UBL3: variants seen among roughly 807,000 people sequenced by gnomAD.
The protein encoded by UBL3 is ubiquitin like 3, also known as ubiquitin-like protein 3.
A neutral mutation model predicts 18.4 loss-of-function variants in UBL3; 6 were observed. The observed-to-expected ratio is 0.33, with a 90% CI of 0.18 to 0.64. UBL3 has a LOEUF of 0.64. Among genes scored for constraint, UBL3 ranks in the 30% least tolerant of loss-of-function variants. The pLI, the probability that UBL3 is intolerant of heterozygous loss-of-function variation, is 0.76. For missense variants in UBL3, 109 were observed against 142.9 expected (o/e 0.76, Z 1.21); for synonymous variants, 49 against 46.6 (o/e 1.05, Z -0.21).
rs984255626 is a variant in UBL3 at position 29,838,916 on chromosome 13, G to A, written c.27+10596C>T. Among the ~76,000 whole-genome samples the A allele has an allele frequency of 3.4e-4, 52 of 151,772 alleles. 1 individual carries two copies. Among genetic ancestry groups the A allele is most frequent in the Non-Finnish European group, 5.9e-5 (4 of 67,926 alleles). Reference sequence around the variant, plus strand: ...TATAAGGACGAAGAGAGATTTAAAGGAAATGGATAGAAAAAAAAAGAATGC... The same window carrying A: ...TATAAGGACGAAGAGAGATTTAAAGAAAATGGATAGAAAAAAAAAGAATGC... On this transcript the variant is annotated intron_variant, in intron 1 of 4. Coordinates refer to ENST00000380680, the MANE Select transcript of UBL3 (RefSeq NM_007106.4).
At chr13:29,780,912 G>A (rs1055947706) in intron 1 of UBL3, among the ~76,000 whole-genome samples, 1 of 152,126 alleles carries the variant, frequency 6.6e-6, no homozygotes, top group Admixed American at 6.5e-5. Flanking sequence ...GGTGGCTCAC[G>A]CCTGTAATCC....
chr13:29,788,673 A>T (rs1432327054), intron 1 of UBL3, among the ~76,000 whole-genome samples: 2 of 152,188 alleles, frequency 1.3e-5, no homozygotes, highest in Non-Finnish European at 2.9e-5. Context: ...GCTATATACT[A>T]ACTGAAAACT....
intron 1 of UBL3, among the ~76,000 whole-genome samples, chr13:29,804,768 C>G (rs1184024925): frequency 6.6e-6 from 1 of 152,132 alleles, no homozygotes; most frequent in Non-Finnish European, 1.5e-5. Flanking sequence ...AATAACAGAA[C>G]AGATGTTATT....
intron 1 of UBL3, among the ~76,000 whole-genome samples, chr13:29,846,847 A>G (rs950779883): frequency 1.3e-5 from 2 of 152,240 alleles, no homozygotes; most frequent in African/African-American, 4.8e-5. Flanking sequence ...CATACTGTCA[A>G]CTAGGAGAAA....
Position 29,767,056 on chromosome 13 carries a change from G to T in UBL3, c.*199C>A. 4.2e-6 allele frequency: 2 copies of T among 475,868 alleles called. No homozygotes were observed. The highest frequency in any genetic ancestry group is 6.9e-5 in the East Asian group (2 of 28,930). The allele number at this position is 475,868 out of a possible 1,614,324, so 29.5% of individuals were successfully genotyped here. On this transcript the variant is annotated 3_prime_UTR_variant, in exon 5 of 5. Coordinates refer to ENST00000380680, the MANE Select transcript of UBL3 (RefSeq NM_007106.4). ...TAAAACAGCTCAACAAAAAATACAAGAAATAAAAAATCAGAGTGAAAAATG... is the reference window on the plus strand; with the variant it reads ...TAAAACAGCTCAACAAAAAATACAATAAATAAAAAATCAGAGTGAAAAATG...
At chr13:29,821,872 C>T (rs1463248087) in intron 1 of UBL3, among the ~76,000 whole-genome samples, 1 of 152,090 alleles carries the variant, frequency 6.6e-6, no homozygotes, top group African/African-American at 2.4e-5. Context: ...TCTCAAGGAA[C>T]ATAGATGAAA....
At chr13:29,816,731 G>C (rs1878291680) in intron 1 of UBL3, among the ~76,000 whole-genome samples, 2 of 142,990 alleles carry the variant, frequency 1.4e-5, no homozygotes, top group Non-Finnish European at 3.0e-5. Flanking sequence ...CTCCAGGCTG[G>C]GTGACTGAGC....
chr13:29,835,142 ATATATATATATATATATATAT>A (rs1878916703), intron 1 of UBL3, among the ~76,000 whole-genome samples: 1 of 12,322 alleles, frequency 8.1e-5, no homozygotes, highest in Admixed American at 9.6e-4. Context: ...ATATATATAT[ATATATATATATATATATATAT>A]ATATATATAT....
chr13:29,797,296 T>C (rs1877639444), intron 1 of UBL3, among the ~76,000 whole-genome samples: 1 of 152,170 alleles, frequency 6.6e-6, no homozygotes, highest in South Asian at 2.1e-4. Context: ...AGATATGATG[T>C]TCATGGTCAA....
At chr13:29,836,508 T>C (rs557972686) in intron 1 of UBL3, among the ~76,000 whole-genome samples, 1 of 152,048 alleles carries the variant, frequency 6.6e-6, no homozygotes, top group East Asian at 1.9e-4. Flanking sequence ...CCCCAGCTAT[T>C]TGAAGGTTTC....
At chr13:29,831,707 AG>A (rs1878778351) in intron 1 of UBL3, among the ~76,000 whole-genome samples, 1 of 150,674 alleles carries the variant, frequency 6.6e-6, no homozygotes, top group Non-Finnish European at 1.5e-5. Context: ...ACTTAATGAT[AG>A]AAAAAAAAAG....
chr13:29,823,797 T>C (rs916057547), intron 1 of UBL3, among the ~76,000 whole-genome samples: 4 of 152,112 alleles, frequency 2.6e-5, no homozygotes, highest in African/African-American at 9.7e-5. Context: ...CATGTTGGTG[T>C]GCTGCACCCA....
chr13:29,835,169 T>TATATATAA, intron 1 of UBL3, among the ~76,000 whole-genome samples: 1 of 63,078 alleles, frequency 1.6e-5, no homozygotes, highest in Non-Finnish European at 2.9e-5. Flanking sequence ...TATATATATA[T>TATATATAA]ATATATATAT....
chr13:29,796,238 T>C (rs1304663538), intron 1 of UBL3, among the ~76,000 whole-genome samples: 1 of 152,110 alleles, frequency 6.6e-6, no homozygotes, highest in African/African-American at 2.4e-5. Flanking sequence ...AGAAGTTTAA[T>C]TTTATTTTTT....
Position 29,765,616 on chromosome 13 carries a change from TATC to T in UBL3, c.*1636_*1638del, listed in dbSNP as rs1001792411. The stretch of plus-strand genomic sequence containing the variant: ...CTTTAAAATTACCACCAAAATGCAC[TATC>T]ATTTTTTTTTTATTTAGTTTACAGG... On this transcript the variant is annotated 3_prime_UTR_variant, in exon 5 of 5. Coordinates refer to ENST00000380680, the MANE Select transcript of UBL3 (RefSeq NM_007106.4). 8 of 152,520 alleles carry T rather than the reference TATC, an allele frequency of 5.2e-5. No homozygotes were observed. Among genetic ancestry groups the T allele is most frequent in the Admixed American group, 6.6e-5 (1 of 15,266 alleles). 9.4% of individuals were successfully genotyped at this position (152,520 alleles called of 1,614,324 possible). A position where few individuals can be genotyped will look rare whatever the true frequency, so the allele number is the denominator to read the frequency against.
intron 1 of UBL3, among the ~76,000 whole-genome samples, chr13:29,812,878 G>T (rs966525956): frequency 1.3e-5 from 2 of 151,758 alleles, no homozygotes; most frequent in Non-Finnish European, 2.9e-5. Flanking sequence ...ATAATATTTT[G>T]GATATATCAA....
chr13:29,849,240 G>A (rs1205649613), intron 1 of UBL3, among the ~76,000 whole-genome samples: 2 of 152,146 alleles, frequency 1.3e-5, no homozygotes, highest in Non-Finnish European at 2.9e-5. Flanking sequence ...AGCGAAGAGG[G>A]AGATGTTTTG....
intron 1 of UBL3, among the ~76,000 whole-genome samples, chr13:29,811,021 G>A (rs565435919): frequency 9.9e-5 from 15 of 152,178 alleles, no homozygotes; most frequent in African/African-American, 3.6e-4. Context: ...ACCTGGGGAG[G>A]AAGGGTCATT....
intron 3 of UBL3, 104 bp from the exon 4 acceptor site, chr13:29,767,799 CT>C (rs1201974278): frequency 1.1e-6 from 1 of 907,378 alleles, no homozygotes. Flanking sequence ...TTTATGACTT[CT>C]TTAACAGATT....
Sources: gnomAD v4.1 joint callset for allele counts (sites outside exome capture counted in the v4.1 genomes callset) on GRCh38, gnomAD v4.1.1 for gene constraint, MANE v1.5 for transcripts, NCBI Gene and HGNC (gene_info 2026-07-23, HGNC 2026-07-21) for gene names.